Variants in LRCH2 observed in about 807,000 individuals in gnomAD.
LRCH2 encodes leucine-rich repeat and calponin homology domain-containing protein 2.
In LRCH2, 38 loss-of-function variants were observed where a neutral mutation model predicts 68.9. The ratio of observed to expected loss-of-function variants is 0.55; its 90% CI spans 0.43 to 0.72. The LOEUF is 0.72. Ranked by LOEUF, LRCH2 falls within the 30% of genes least tolerant of loss-of-function variation. The pLI is 0.00. For missense variants in LRCH2, 528 were observed against 572.9 expected (o/e 0.92, Z 0.80); for synonymous variants, 191 against 208.1 (o/e 0.92, Z 0.71).
chrX:115,171,674 GT>G (rs1209112953), intron 5 of LRCH2, among the ~76,000 whole-genome samples: 2 of 107,193 alleles, frequency 1.9e-5, no homozygotes, highest in Non-Finnish European at 3.9e-5. Context: ...CCTTTTTTTT[GT>G]TTTTTTGTTT....
chrX:115,226,135 G>GA (rs1290323512), intron 1 of LRCH2, among the ~76,000 whole-genome samples: 2 of 111,290 alleles, frequency 1.8e-5, no homozygotes, highest in Non-Finnish European at 3.8e-5. Context: ...AGAGAAAAAG[G>GA]AGGAGGGGGG....
At chrX:115,135,710 A>C (rs2072284923) in intron 14 of LRCH2, among the ~76,000 whole-genome samples, 1 of 111,590 alleles carries the variant, frequency 9.0e-6, no homozygotes, top group Admixed American at 9.6e-5. Flanking sequence ...ATCGCATGCT[A>C]CAGAGAAATC....
chrX:115,184,580 A>T (rs377413515), intron 2 of LRCH2, 43 bp from the exon 3 acceptor site: 10 of 1,039,425 alleles, frequency 9.6e-6, no homozygotes, highest in African/African-American at 1.9e-5. Context: ...TATGTATGTA[A>T]TGTGACATAT....
chrX:115,195,574 C>A (rs1439554702), intron 1 of LRCH2, among the ~76,000 whole-genome samples: 6 of 110,813 alleles, frequency 5.4e-5, no homozygotes, highest in African/African-American at 2.0e-4. Flanking sequence ...TTAGAAAAAC[C>A]AAAGTGGTAT....
At chrX:115,136,255 A>C (rs782123174) in intron 14 of LRCH2, among the ~76,000 whole-genome samples, 2 of 111,489 alleles carry the variant, frequency 1.8e-5, no homozygotes, top group East Asian at 5.7e-4. Context: ...TCATCTCTTG[A>C]TATCTGCAAG....
intron 20 of LRCH2, among the ~76,000 whole-genome samples, chrX:115,119,013 G>C (rs191989357): frequency 0.053 from 5,902 of 110,994 alleles, 414 homozygotes; most frequent in African/African-American, 0.18. Context: ...TTGATGGGAC[G>C]TATCTCAAAA....
At chrX:115,221,002 T>A (rs965025542) in intron 1 of LRCH2, among the ~76,000 whole-genome samples, 1 of 106,462 alleles carries the variant, frequency 9.4e-6, no homozygotes, top group East Asian at 2.9e-4. Context: ...GGTGAAACCC[T>A]GTCTCTACTA....
intron 11 of LRCH2, among the ~76,000 whole-genome samples, chrX:115,158,903 C>G (rs782725168): frequency 1.8e-5 from 2 of 111,872 alleles, no homozygotes; most frequent in East Asian, 5.6e-4. Context: ...AGAAAAAGAG[C>G]AGTAGCCACC....
At position 115,229,929 on chromosome X, in the gene LRCH2, GA is replaced by G. The variant is rs1314477750; in HGVS notation, c.349+3763del. Among the ~76,000 whole-genome samples the G allele has an allele frequency of 3.6e-5, 4 of 111,898 alleles. No homozygotes were observed. In the Admixed American group the frequency reaches 3.8e-4, roughly 11 times the overall value. ...GATTATCCAGGACACGGCAGAATCT[GA>G]TGTAAGAATTCCTAAATCTGTTTCA... On this transcript the variant is annotated intron_variant, in intron 1 of 20. Transcript: ENST00000317135.
intron 10 of LRCH2, 42 bp downstream of exon 10, chrX:115,165,363 T>C: frequency 3.1e-6 from 3 of 975,883 alleles, no homozygotes; most frequent in Non-Finnish European, 4.2e-6. Context: ...AATGAATGGC[T>C]CAAGGGCTTA....
intron 14 of LRCH2, among the ~76,000 whole-genome samples, chrX:115,146,902 TACATACACACACACAC>T (rs1282519380): frequency 5.6e-5 from 3 of 53,901 alleles, no homozygotes; most frequent in African/African-American, 1.6e-4. Flanking sequence ...ATTTCTTACA[TACATACACACACACAC>T]ACACACACAC....
At chrX:115,160,089 G>A (rs1231498196) in intron 11 of LRCH2, among the ~76,000 whole-genome samples, 23 of 110,858 alleles carry the variant, frequency 2.1e-4, no homozygotes, top group East Asian at 8.6e-4. Context: ...AGGCTGAGGC[G>A]GGCAGATCAC....
intron 12 of LRCH2, among the ~76,000 whole-genome samples, chrX:115,151,440 G>A (rs1470030446): frequency 4.5e-5 from 5 of 110,891 alleles, no homozygotes; most frequent in Non-Finnish European, 9.5e-5. Flanking sequence ...GGGGGAGGAA[G>A]AAAACTAGAT....
At chrX:115,219,300 G>A (rs2073062866) in intron 1 of LRCH2, among the ~76,000 whole-genome samples, 1 of 111,772 alleles carries the variant, frequency 8.9e-6, no homozygotes, top group South Asian at 3.8e-4. Context: ...TATTTACAGA[G>A]CAAGGACCAT....
intron 2 of LRCH2, 90 bp from the exon 3 acceptor site, chrX:115,184,627 T>A: frequency 1.2e-6 from 1 of 828,877 alleles, no homozygotes; most frequent in Non-Finnish European, 1.6e-6. Flanking sequence ...TAAATAATAT[T>A]CTATCACTAA....
At chrX:115,222,243 G>A (rs192699487) in intron 1 of LRCH2, among the ~76,000 whole-genome samples, 32 of 111,858 alleles carry the variant, frequency 2.9e-4, no homozygotes, top group African/African-American at 9.1e-4. Context: ...AGGTATAGAA[G>A]GGAATTTCTT....
intron 14 of LRCH2, among the ~76,000 whole-genome samples, chrX:115,137,663 C>T (rs911816480): frequency 9.0e-5 from 10 of 111,714 alleles, no homozygotes; most frequent in African/African-American, 2.9e-4. Flanking sequence ...TGGAAGCGAA[C>T]GCCAGATTGC....
chrX:115,162,009 T>G (rs1337847008), intron 11 of LRCH2, among the ~76,000 whole-genome samples: 1 of 96,434 alleles, frequency 1.0e-5, no homozygotes, highest in East Asian at 3.8e-4. Flanking sequence ...AACCTCTGCC[T>G]CTCAGGCTCA....
In LRCH2 at chrX:115,143,004, G is replaced by C. The variant is rs782018101; in HGVS notation, c.1695+6823C>G. On this transcript the variant is annotated intron_variant, in intron 14 of 20. Transcript: ENST00000317135. ...CCAGCTACTTGGAAGGCTGAAAGGT[G>C]AAAGGATGGCTTGACCCTGGGAGGT... 5.9e-4 allele frequency among the ~76,000 whole-genome samples: 65 copies of C among 110,786 alleles called. 1 individual carries two copies. The highest frequency in any genetic ancestry group is 2.1e-3 in the African/African-American group (63 of 30,448).
Sources: allele counts gnomAD v4.1 joint callset (sites outside exome capture counted in the v4.1 genomes callset), GRCh38; gene constraint gnomAD v4.1.1; transcripts MANE v1.5; gene names NCBI Gene and HGNC (gene_info 2026-07-23, HGNC 2026-07-21).